CSGALNACT1: variants seen among roughly 807,000 people sequenced by gnomAD.
CSGALNACT1 encodes the protein chondroitin sulfate N-acetylgalactosaminyltransferase 1.
Under a neutral mutation model 51.0 loss-of-function variants are expected in CSGALNACT1, and 52 were observed. The ratio of observed to expected loss-of-function variants is 1.02; its 90% confidence interval spans 0.82 to 1.29. The LOEUF is 1.29. CSGALNACT1 is among the 50% of genes most tolerant of loss of function. The pLI is 0.00. For synonymous variants in CSGALNACT1, 341 were observed against 254.4 expected (o/e 1.34, Z -3.24); for missense variants, 935 against 679.2 (o/e 1.38, Z -4.19).
chr8:19,756,807 T>C (rs1384151159), intron 1 of CSGALNACT1, among the ~76,000 whole-genome samples: 1 of 151,938 alleles, frequency 6.6e-6, no homozygotes, highest in African/African-American at 2.4e-5. Context: ...AAGGCTACTT[T>C]TCAGTGGGTT....
chr8:19,507,528 G>GAAAAAAAAAAAAAAA lies in CSGALNACT1; in HGVS notation c.-296-1413_-296-1399dup, dbSNP rs35759799. On this transcript the variant is annotated intron_variant, in intron 3 of 9. Transcript: ENST00000454498. Reference sequence around the variant, plus strand: ...TGTCTTCCCCTACCCATCTTAGCCAGAAAAAAAAAAAAAAAAAAAAAAAAG... The same window carrying GAAAAAAAAAAAAAAA: ...TGTCTTCCCCTACCCATCTTAGCCAGAAAAAAAAAAAAAAAAAAAAAAAAAAAAAAAAAAAAAAAG... Among the ~76,000 whole-genome samples the GAAAAAAAAAAAAAAA allele has an allele frequency of 3.7e-4, 28 of 74,884 alleles. 1 individual carries two copies. The highest frequency in any genetic ancestry group is 1.5e-3 in the African/African-American group (27 of 17,954). The allele number at this position is 74,884 out of a possible 152,430, so 49.1% of individuals were successfully genotyped here.
chr8:19,658,062 C>CAAAAAAAA lies in CSGALNACT1; in HGVS notation c.-544+24403_-544+24410dup, dbSNP rs397973082. ...TATGTGTGCCCTCTCACCCTCCTTC[C>CAAAAAAAA]AAAAAAAAAAAAAAAAAAAAAAGTC... On this transcript the variant is annotated intron_variant, in intron 1 of 9. Transcript: ENST00000332246. Among the ~76,000 whole-genome samples, 4 of 86,712 alleles carry CAAAAAAAA rather than the reference C, an allele frequency of 4.6e-5. 1 individual carries two copies. The highest frequency in any genetic ancestry group is 9.9e-5 in the African/African-American group (2 of 20,170). The allele number at this position is 86,712 out of a possible 152,430, so 56.9% of individuals were successfully genotyped here. A position where few individuals can be genotyped will look rare whatever the true frequency, so the allele number is the denominator to read the frequency against.
At chr8:19,413,472 G>A (rs933590547) in intron 8 of CSGALNACT1, among the ~76,000 whole-genome samples, 10 of 152,136 alleles carry the variant, frequency 6.6e-5, no homozygotes, top group African/African-American at 2.2e-4. Flanking sequence ...ACTGGCTTCT[G>A]GAAAGGCTCC....
chr8:19,540,283 G>A (rs542795966), intron 3 of CSGALNACT1, among the ~76,000 whole-genome samples: 4 of 152,216 alleles, frequency 2.6e-5, no homozygotes, highest in South Asian at 2.1e-4. Flanking sequence ...TCATGCAGAC[G>A]TTAAAAAGGC....
At chr8:19,444,993 G>T (rs1010885904) in intron 5 of CSGALNACT1, among the ~76,000 whole-genome samples, 1 of 152,186 alleles carries the variant, frequency 6.6e-6, no homozygotes, top group African/African-American at 2.4e-5. Flanking sequence ...TCACAGGTTT[G>T]ATTCTGAGAA....
upstream of CSGALNACT1, among the ~76,000 whole-genome samples, chr8:19,684,111 A>G (rs554581600): frequency 2.0e-5 from 3 of 152,336 alleles, no homozygotes; most frequent in Admixed American, 1.3e-4. Flanking sequence ...GATTGCAGGG[A>G]GCAGAGATAG....
chr8:19,498,602 C>T (rs1270418884), intron 4 of CSGALNACT1, among the ~76,000 whole-genome samples: 1 of 151,912 alleles, frequency 6.6e-6, no homozygotes, highest in Non-Finnish European at 1.5e-5. Flanking sequence ...TCCATCTCCC[C>T]TCCTAAGCCT....
intron 1 of CSGALNACT1, among the ~76,000 whole-genome samples, chr8:19,740,510 C>T (rs202108671): frequency 1.3e-5 from 2 of 152,208 alleles, no homozygotes; most frequent in Admixed American, 6.5e-5. Context: ...ACTGTATCTT[C>T]AGAGTGAGGA....
At chr8:19,408,840 T>G in intron 8 of CSGALNACT1, 146 bp from the exon 8 acceptor site, 1 of 740,376 alleles carries the variant, frequency 1.4e-6, no homozygotes. Flanking sequence ...CGCAGATGGA[T>G]TTGAGTCCTT....
intron 5 of CSGALNACT1, among the ~76,000 whole-genome samples, chr8:19,440,996 G>C (rs1381891015): frequency 3.9e-5 from 6 of 152,102 alleles, no homozygotes; most frequent in Non-Finnish European, 5.9e-5. Context: ...AAATACCTAG[G>C]AATCCAACTT....
intron 5 of CSGALNACT1, among the ~76,000 whole-genome samples, chr8:19,449,908 CT>C (rs2062794536): frequency 6.6e-6 from 1 of 151,462 alleles, no homozygotes; most frequent in South Asian, 2.1e-4. Flanking sequence ...AAATCTATAG[CT>C]TTGTTATTAT....
intron 4 of CSGALNACT1, among the ~76,000 whole-genome samples, chr8:19,493,067 A>G (rs1563713861): frequency 6.6e-6 from 1 of 151,978 alleles, no homozygotes; most frequent in Non-Finnish European, 1.5e-5. Context: ...GAAAAAAAAA[A>G]AAAACATCTG....
At chr8:19,668,870 T>C (rs1442773074) in intron 1 of CSGALNACT1, among the ~76,000 whole-genome samples, 8 of 152,116 alleles carry the variant, frequency 5.3e-5, no homozygotes, top group African/African-American at 1.9e-4. Flanking sequence ...TTATTTAAAA[T>C]GGGAAAATGG....
intron 3 of CSGALNACT1, among the ~76,000 whole-genome samples, chr8:19,529,617 G>A (rs1306331764): frequency 6.6e-6 from 1 of 152,162 alleles, no homozygotes; most frequent in Non-Finnish European, 1.5e-5. Context: ...TGAAAAAGTG[G>A]TAAGGGAAAA....
chr8:19,537,894 T>G (rs1022432571), intron 3 of CSGALNACT1, among the ~76,000 whole-genome samples: 2 of 152,194 alleles, frequency 1.3e-5, no homozygotes, highest in Non-Finnish European at 2.9e-5. Context: ...AAACATACAT[T>G]GGACTTCATT....
chr8:19,638,148 G>T (rs1459734078), intron 1 of CSGALNACT1, among the ~76,000 whole-genome samples: 1 of 79,962 alleles, frequency 1.3e-5, no homozygotes, highest in Non-Finnish European at 2.7e-5. Flanking sequence ...TAGCTTCCCA[G>T]GCCCTCCTTT....
chr8:19,464,848 A>G (rs2066316743), intron 4 of CSGALNACT1, among the ~76,000 whole-genome samples: 1 of 152,204 alleles, frequency 6.6e-6, no homozygotes. Flanking sequence ...ACTGCCGACA[A>G]CTTTCTCCAG....
chr8:19,568,407 T>C (rs889001163), intron 3 of CSGALNACT1, among the ~76,000 whole-genome samples: 6 of 152,166 alleles, frequency 3.9e-5, no homozygotes, highest in African/African-American at 1.4e-4. Context: ...ATCATATATG[T>C]GATTCATCAT....
chr8:19,672,131 T>C (rs2059840088), intron 1 of CSGALNACT1, among the ~76,000 whole-genome samples: 1 of 152,196 alleles, frequency 6.6e-6, no homozygotes, highest in African/African-American at 2.4e-5. Flanking sequence ...GTGCTCAGAT[T>C]CTTTGTCTCC....
Sources: gnomAD v4.1 joint callset for allele counts (sites outside exome capture counted in the v4.1 genomes callset) on GRCh38, gnomAD v4.1.1 for gene constraint, MANE v1.5 for transcripts, NCBI Gene and HGNC (gene_info 2026-07-23, HGNC 2026-07-21) for gene names.